Variants in TIAM1 observed in about 807,000 individuals in gnomAD.
TIAM1 encodes the protein TIAM Rac1 associated GEF 1.
A neutral mutation model predicts 163.5 loss-of-function variants in TIAM1; 65 were observed. That is an observed-to-expected ratio of 0.40 (90% CI 0.33 to 0.49). The LOEUF (loss-of-function observed/expected upper bound fraction) is 0.49. TIAM1 is among the 20% of genes least tolerant of loss of function. The pLI, the probability that TIAM1 is intolerant of heterozygous loss-of-function variation, is 0.77. For synonymous variants in TIAM1, 833 were observed against 810.1 expected, an observed-to-expected ratio of 1.03 and a Z score of -0.48; for missense variants, 1,789 against 2,044.7, an observed-to-expected ratio of 0.87 and a Z score of 2.41.
At chr21:31,479,454 T>C (rs1160614959) in intron 1 of TIAM1, among the ~76,000 whole-genome samples, 2 of 67,832 alleles carry the variant, frequency 2.9e-5, no homozygotes, top group African/African-American at 5.2e-5. Context: ...GATGGATGGA[T>C]AGATGGATGG....
At position 31,377,033 on chromosome 21, in the gene TIAM1, C is replaced by CTTTT. The variant is rs35487868; in HGVS notation, c.-368-37615_-368-37612dup. Among the ~76,000 whole-genome samples the CTTTT allele has an allele frequency of 1.4e-3, 117 of 80,940 alleles. 1 individual carries two copies. Among genetic ancestry groups the CTTTT allele is most frequent in the Admixed American group, 1.9e-3 (12 of 6,324 alleles). The allele number at this position is 80,940 out of a possible 152,430, so 53.1% of individuals were successfully genotyped here. On this transcript the variant is annotated intron_variant, in intron 2 of 28. Coordinates refer to the TIAM1 transcript ENST00000286827. The stretch of plus-strand genomic sequence containing the variant: ...GCCACCATGCCTGGCTCATTTTTGT[C>CTTTT]TTTTTTTTTTTTTTTTTTTTTTTTT...
chr21:31,427,740 G>A (rs1483077059), intron 2 of TIAM1, among the ~76,000 whole-genome samples: 9 of 151,576 alleles, frequency 5.9e-5, no homozygotes, highest in East Asian at 5.9e-4. Flanking sequence ...AGGCTGAGGC[G>A]GGAGGATTGC....
intron 1 of TIAM1, among the ~76,000 whole-genome samples, chr21:31,518,982 G>T (rs1415406314): frequency 6.6e-6 from 1 of 152,150 alleles, no homozygotes; most frequent in Admixed American, 6.5e-5. Flanking sequence ...ATCACTTGAG[G>T]TCAGGAGTTC....
intron 2 of TIAM1, among the ~76,000 whole-genome samples, chr21:31,443,459 T>C (rs1187232927): frequency 1.3e-5 from 2 of 152,256 alleles, no homozygotes; most frequent in Non-Finnish European, 2.9e-5. Flanking sequence ...TTAATGGTTT[T>C]TTAAACGTTA....
At chr21:31,474,920 C>A (rs2045881568) in intron 1 of TIAM1, among the ~76,000 whole-genome samples, 1 of 152,012 alleles carries the variant, frequency 6.6e-6, no homozygotes, top group Non-Finnish European at 1.5e-5. Context: ...AGGAAGGGAA[C>A]TTTTCCAGCT....
chr21:31,190,029 T>C (rs1307329212), intron 13 of TIAM1, among the ~76,000 whole-genome samples: 1 of 152,192 alleles, frequency 6.6e-6, no homozygotes, highest in Non-Finnish European at 1.5e-5. Flanking sequence ...ACTGGAAGGC[T>C]GTTAGCTTCA....
At chr21:31,329,475 C>G (rs908635192) in intron 2 of TIAM1, among the ~76,000 whole-genome samples, 3 of 152,208 alleles carry the variant, frequency 2.0e-5, no homozygotes, top group Admixed American at 2.0e-4. Flanking sequence ...TTCTGGTCCC[C>G]AGGTCACAGT....
At chr21:31,299,822 A>G (rs1217952877) in intron 2 of TIAM1, among the ~76,000 whole-genome samples, 2 of 152,196 alleles carry the variant, frequency 1.3e-5, no homozygotes, top group Non-Finnish European at 2.9e-5. Context: ...AATGGGAATA[A>G]TAAGAGTACA....
Position 31,448,559 on chromosome 21 carries a change from T to C in TIAM1, c.-369+15424A>G, listed in dbSNP as rs145405098. On this transcript the variant is annotated intron_variant, in intron 2 of 28. Coordinates refer to the TIAM1 transcript ENST00000286827. Reference sequence around the variant, plus strand: ...CAGTAGAGATTGCAGTGAGCCAAGATTGTGCCACTGCACTCCAGCCTGGGT... The same window carrying C: ...CAGTAGAGATTGCAGTGAGCCAAGACTGTGCCACTGCACTCCAGCCTGGGT... 2.6e-4 allele frequency among the ~76,000 whole-genome samples: 39 copies of C among 151,150 alleles called. No individual in the cohort carries two copies. In the East Asian group the frequency reaches 6.3e-3, roughly 25 times the overall value.
chr21:31,392,172 A>T (rs2076976060), intron 2 of TIAM1, among the ~76,000 whole-genome samples: 1 of 152,196 alleles, frequency 6.6e-6, no homozygotes, highest in Admixed American at 6.5e-5. Flanking sequence ...GGGTTTACTG[A>T]GTCATATTCT....
intron 6 of TIAM1, among the ~76,000 whole-genome samples, chr21:31,228,750 A>G (rs8130753): frequency 0.15 from 22,867 of 152,218 alleles, 5,557 homozygotes; most frequent in African/African-American, 0.51. Flanking sequence ...TGCTGCTAAC[A>G]AAGACATATC....
chr21:31,454,216 A>G (rs2044999404), intron 2 of TIAM1, among the ~76,000 whole-genome samples: 1 of 152,202 alleles, frequency 6.6e-6, no homozygotes, highest in Non-Finnish European at 1.5e-5. Flanking sequence ...TTTTTTGCTG[A>G]TAAATTCCAA....
At chr21:31,147,832 A>G (rs1415118125) in intron 19 of TIAM1, among the ~76,000 whole-genome samples, 2 of 144,308 alleles carry the variant, frequency 1.4e-5, no homozygotes, top group African/African-American at 2.5e-5. Context: ...CTTCTGTTTC[A>G]CACTGAAAGA....
At chr21:31,408,952 G>C (rs556060447) in intron 2 of TIAM1, among the ~76,000 whole-genome samples, 29 of 151,952 alleles carry the variant, frequency 1.9e-4, no homozygotes, top group Non-Finnish European at 3.7e-4. Context: ...GAGTGCCACC[G>C]CTCTCAGCCA....
At chr21:31,378,135 T>TC (rs2076719652) in intron 2 of TIAM1, among the ~76,000 whole-genome samples, 1 of 57,496 alleles carries the variant, frequency 1.7e-5, no homozygotes, top group African/African-American at 8.8e-5. Flanking sequence ...AAACTCTGTC[T>TC]CAAAAAAAAA....
intron 1 of TIAM1, among the ~76,000 whole-genome samples, chr21:31,480,730 C>T (rs2046084101): frequency 6.6e-6 from 1 of 152,150 alleles, no homozygotes; most frequent in South Asian, 2.1e-4. Context: ...CAACAACATT[C>T]ATTCATTCAT....
At chr21:31,149,621 G>C (rs553045498) in intron 19 of TIAM1, among the ~76,000 whole-genome samples, 1 of 152,098 alleles carries the variant, frequency 6.6e-6, no homozygotes. Context: ...CAAAAGACTT[G>C]TAAATGAATA....
At chr21:31,253,115 C>A (rs1601712584) in intron 4 of TIAM1, among the ~76,000 whole-genome samples, 1 of 152,308 alleles carries the variant, frequency 6.6e-6, no homozygotes, top group South Asian at 2.1e-4. Context: ...GAGCTACAGG[C>A]ATTTCCATAA....
chr21:31,178,566 G>A (rs922689763), intron 15 of TIAM1, among the ~76,000 whole-genome samples: 16 of 151,538 alleles, frequency 1.1e-4, no homozygotes, highest in African/African-American at 3.6e-4. Context: ...TCGGCCTCCC[G>A]AAGTGCTGGG....
Sources: allele counts gnomAD v4.1 joint callset (sites outside exome capture counted in the v4.1 genomes callset), GRCh38; gene constraint gnomAD v4.1.1; transcripts MANE v1.5; gene names NCBI Gene and HGNC (gene_info 2026-07-23, HGNC 2026-07-21).